MALRD1: variants seen among roughly 807,000 people sequenced by gnomAD.
MALRD1 encodes the protein MAM and LDL receptor class A domain containing 1.
Under a neutral mutation model 242.1 loss-of-function variants are expected in MALRD1, and 247 were observed. That is an observed-to-expected ratio of 1.02 (90% CI 0.92 to 1.13). The LOEUF (loss-of-function observed/expected upper bound fraction) is 1.13, where lower values mean the gene tolerates loss of function less well. MALRD1 is among the 50% of genes most tolerant of loss of function. The pLI, the probability that MALRD1 is intolerant of heterozygous loss-of-function variation, is 0.00. For synonymous variants in MALRD1, 995 were observed against 866.6 expected, an observed-to-expected ratio of 1.15 and a Z score of -2.60; for missense variants, 2,989 against 2,533.1, an observed-to-expected ratio of 1.18 and a Z score of -3.86.
chr10:19,053,735 T>A (rs1413643569), intron 1 of MALRD1, among the ~76,000 whole-genome samples: 1 of 152,118 alleles, frequency 6.6e-6, no homozygotes, highest in African/African-American at 2.4e-5. Context: ...AAGTGAAGTT[T>A]AACATAACAG....
rs1268471907 is a variant in MALRD1, at chr10:19,205,089, A to G, written c.2402A>G (p.Asp801Gly). Reference protein sequence around the residue: ...SLDKVSLGIYDGVSAIDDIRF... With the variant: ...SLDKVSLGIYGGVSAIDDIRF... Reference sequence around the variant, plus strand: ...GATAAAGTCAGTCTGGGCATTTATGATGGGGTCTCAGCTATTGATGACATC... The same window carrying G: ...GATAAAGTCAGTCTGGGCATTTATGGTGGGGTCTCAGCTATTGATGACATC... The change falls in exon 17 of 40, where the codon GAT becomes GGT. Residue 801 changes from aspartate (D) to glycine (G), a missense_variant. Physicochemically the swap from Asp to Gly is moderately conservative, Grantham distance 94. Coordinates refer to ENST00000454679, the MANE Select transcript of MALRD1 (RefSeq NM_001142308.3). 3 of 1,550,528 alleles carry G rather than the reference A, an allele frequency of 1.9e-6. No homozygotes were observed. Among genetic ancestry groups the G allele is most frequent in the Non-Finnish European group, 2.6e-6 (3 of 1,147,018 alleles).
intron 11 of MALRD1, among the ~76,000 whole-genome samples, chr10:19,149,330 A>C (rs779793991): frequency 1.3e-5 from 2 of 151,874 alleles, no homozygotes; most frequent in Non-Finnish European, 2.9e-5. Context: ...CACCGTGTTG[A>C]CCAGGCTGGA....
intron 13 of MALRD1, among the ~76,000 whole-genome samples, chr10:19,171,422 TTATATACATATATATA>T (rs1361836091): frequency 2.2e-4 from 8 of 36,274 alleles, no homozygotes; most frequent in East Asian, 1.4e-3. Context: ...ATTTTATATT[TTATATACATATATATA>T]TATATATATA....
chr10:19,446,462 T>A (rs1181292957), intron 28 of MALRD1, among the ~76,000 whole-genome samples: 4 of 152,202 alleles, frequency 2.6e-5, no homozygotes, highest in Non-Finnish European at 5.9e-5. Flanking sequence ...GGCTAGTTAT[T>A]TGGGAAAAAG....
chr10:19,199,270 G>A (rs529969544), intron 14 of MALRD1, among the ~76,000 whole-genome samples: 1 of 152,214 alleles, frequency 6.6e-6, no homozygotes, highest in African/African-American at 2.4e-5. Context: ...TGTGTCCCGT[G>A]GTCATACATG....
chr10:19,377,913 C>G (rs1441591398), intron 26 of MALRD1, among the ~76,000 whole-genome samples: 2 of 151,928 alleles, frequency 1.3e-5, no homozygotes, highest in Admixed American at 6.6e-5. Flanking sequence ...TATGAAATAC[C>G]AATGATAACT....
chr10:19,499,408 T>C (rs1003857048), intron 31 of MALRD1, among the ~76,000 whole-genome samples: 2 of 148,728 alleles, frequency 1.3e-5, no homozygotes, highest in Admixed American at 1.4e-4. Flanking sequence ...TTGCCCTTCA[T>C]AATGTGGCCT....
intron 9 of MALRD1, among the ~76,000 whole-genome samples, chr10:19,135,265 T>C (rs533020979): frequency 1.3e-5 from 2 of 152,224 alleles, no homozygotes; most frequent in African/African-American, 4.8e-5. Flanking sequence ...AGCAATTCTC[T>C]TGCGTTAGCC....
chr10:19,212,736 A>AT (rs1336050611), intron 18 of MALRD1, among the ~76,000 whole-genome samples: 3 of 152,136 alleles, frequency 2.0e-5, no homozygotes, highest in Non-Finnish European at 4.4e-5. Context: ...CAGCTTCTCC[A>AT]CATCCAAGCC....
intron 18 of MALRD1, among the ~76,000 whole-genome samples, chr10:19,209,948 T>G (rs2131630735): frequency 6.6e-6 from 1 of 152,332 alleles, no homozygotes; most frequent in East Asian, 1.9e-4. Context: ...AGTAATTGCT[T>G]TACTGAAATG....
At chr10:19,182,587 C>G (rs1835558788) in intron 14 of MALRD1, among the ~76,000 whole-genome samples, 1 of 152,038 alleles carries the variant, frequency 6.6e-6, no homozygotes, top group Admixed American at 6.5e-5. Flanking sequence ...GCCTCAGCCT[C>G]CCAAAGTGCT....
rs115333633 is a variant in MALRD1, at chr10:19,491,299, A to G, written c.5030-218A>G. ...GGCAAGGAGATTTTCAGCACCATCA[A>G]AGTGCATAAAAGATATTTCAGAAGT... is the stretch of plus-strand genomic sequence containing the variant. On this transcript the variant is annotated intron_variant, in intron 29 of 39. Transcript: ENST00000454679. The G allele has an allele frequency of 5.4e-4, 381 of 703,074 alleles. 2 individuals are homozygous for G. In the African/African-American group the frequency reaches 6.1e-3, roughly 11 times the overall value. 43.6% of individuals were successfully genotyped at this position (703,074 alleles called of 1,614,324 possible).
At chr10:19,134,982 T>A (rs1053572972) in intron 9 of MALRD1, among the ~76,000 whole-genome samples, 1 of 152,162 alleles carries the variant, frequency 6.6e-6, no homozygotes, top group Admixed American at 6.6e-5. Context: ...ACATTAATAA[T>A]TTTTACATGT....
chr10:19,705,524 C>T (rs1314457269), intron 38 of MALRD1, among the ~76,000 whole-genome samples: 3 of 152,146 alleles, frequency 2.0e-5, no homozygotes, highest in African/African-American at 7.2e-5. Flanking sequence ...GTCCCTTGTG[C>T]ATGTATTGGC....
At chr10:19,109,256 T>G (rs1836587723) in intron 5 of MALRD1, among the ~76,000 whole-genome samples, 2 of 152,178 alleles carry the variant, frequency 1.3e-5, no homozygotes, top group African/African-American at 4.8e-5. Flanking sequence ...AGAGCTGTTC[T>G]ATTACTGGGT....
intron 36 of MALRD1, among the ~76,000 whole-genome samples, chr10:19,647,811 A>T (rs979489867): frequency 1.3e-5 from 2 of 152,172 alleles, no homozygotes; most frequent in Non-Finnish European, 2.9e-5. Flanking sequence ...AGACTTAACC[A>T]TCTTGTTTTC....
chr10:19,166,893 GTC>G (rs1387863928), intron 13 of MALRD1, among the ~76,000 whole-genome samples: 2 of 152,144 alleles, frequency 1.3e-5, no homozygotes, highest in African/African-American at 2.4e-5. Context: ...CTGAGTTTTA[GTC>G]TCTGCTCTGC....
At chr10:19,631,866 T>C (rs1839917109) in intron 36 of MALRD1, among the ~76,000 whole-genome samples, 1 of 152,182 alleles carries the variant, frequency 6.6e-6, no homozygotes, top group South Asian at 2.1e-4. Context: ...TCAAGTTCCT[T>C]ATAGATGCTG....
intron 2 of MALRD1, among the ~76,000 whole-genome samples, chr10:19,069,806 G>T (rs1430509554): frequency 6.7e-6 from 1 of 149,858 alleles, no homozygotes; most frequent in Admixed American, 6.7e-5. Context: ...TTCAAAATTC[G>T]GTCTTTATTT....
Sources: gnomAD v4.1 joint callset for allele counts (sites outside exome capture counted in the v4.1 genomes callset) on GRCh38, gnomAD v4.1.1 for gene constraint, MANE v1.5 for transcripts, NCBI Gene and HGNC (gene_info 2026-07-23, HGNC 2026-07-21) for gene names.